The following PTPRN2 variants were observed in gnomAD, a reference collection of about 807,000 sequenced individuals.
The protein encoded by PTPRN2 is receptor-type tyrosine-protein phosphatase N2.
Under a neutral mutation model 118.8 loss-of-function variants are expected in PTPRN2, and 74 were observed. That is an observed-to-expected ratio of 0.62 (90% CI 0.52 to 0.76). PTPRN2 has a LOEUF of 0.76. Ranked by LOEUF, PTPRN2 falls within the 30% of genes least tolerant of loss-of-function variation. The pLI, the probability that PTPRN2 is intolerant of heterozygous loss-of-function variation, is 0.00. For synonymous variants in PTPRN2, 641 were observed against 608.0 expected, an observed-to-expected ratio of 1.05 and a Z score of -0.80; for missense variants, 1,481 against 1,394.4, an observed-to-expected ratio of 1.06 and a Z score of -0.99.
chr7:157,663,839 C>G (rs1044001520), intron 13 of PTPRN2, among the ~76,000 whole-genome samples: 1 of 152,222 alleles, frequency 6.6e-6, no homozygotes, highest in Non-Finnish European at 1.5e-5. Context: ...CATTCTCAGT[C>G]CTTTACCTTA....
chr7:158,318,097 G>T (rs1236826535), intron 2 of PTPRN2, among the ~76,000 whole-genome samples: 1 of 152,082 alleles, frequency 6.6e-6, no homozygotes, highest in Non-Finnish European at 1.5e-5. Context: ...CGAGATGCCT[G>T]CGAGGCCACA....
At chr7:157,822,082 C>CATCA (rs1170066987) in intron 12 of PTPRN2, among the ~76,000 whole-genome samples, 9 of 151,806 alleles carry the variant, frequency 5.9e-5, no homozygotes, top group Non-Finnish European at 1.3e-4. Context: ...ATATACTATC[C>CATCA]ATCAATCACC....
At chr7:158,390,596 C>T (rs909067622) in intron 2 of PTPRN2, among the ~76,000 whole-genome samples, 1 of 152,178 alleles carries the variant, frequency 6.6e-6, no homozygotes, top group Admixed American at 6.5e-5. Flanking sequence ...CACCGAGTGG[C>T]CGCAATGCTG....
At chr7:158,046,169 G>T (rs1356511057) in intron 11 of PTPRN2, among the ~76,000 whole-genome samples, 1 of 145,362 alleles carries the variant, frequency 6.9e-6, no homozygotes, top group Non-Finnish European at 1.5e-5. Flanking sequence ...GCCTTGTTCT[G>T]TCCAGGAGCA....
chr7:157,965,845 C>T (rs1801885957), intron 11 of PTPRN2, among the ~76,000 whole-genome samples: 1 of 152,334 alleles, frequency 6.6e-6, no homozygotes, highest in African/African-American at 2.4e-5. Context: ...TTACCAAAAA[C>T]TTAACCCAAA....
intron 11 of PTPRN2, among the ~76,000 whole-genome samples, chr7:158,061,034 T>C (rs1272150614): frequency 6.6e-6 from 1 of 152,194 alleles, no homozygotes; most frequent in Non-Finnish European, 1.5e-5. Context: ...ATGGAATAAA[T>C]CAGGTGGTTT....
intron 3 of PTPRN2, among the ~76,000 whole-genome samples, chr7:158,282,468 A>G (rs1308038206): frequency 6.6e-6 from 1 of 152,236 alleles, no homozygotes; most frequent in East Asian, 1.9e-4. Flanking sequence ...CCTGGCTCAG[A>G]TGTCCACAGC....
At chr7:157,749,936 G>A (rs1361828288) in intron 12 of PTPRN2, among the ~76,000 whole-genome samples, 1 of 147,906 alleles carries the variant, frequency 6.8e-6, no homozygotes, top group Non-Finnish European at 1.5e-5. Context: ...TGGGGTGTCC[G>A]GGTGATTCTG....
intron 3 of PTPRN2, among the ~76,000 whole-genome samples, chr7:158,263,273 G>T (rs751332427): frequency 6.6e-6 from 1 of 152,174 alleles, no homozygotes; most frequent in Non-Finnish European, 1.5e-5. Context: ...TGCACTGCAC[G>T]TGTTGCACTC....
chr7:158,197,315 G>A (rs537425128), intron 4 of PTPRN2, among the ~76,000 whole-genome samples: 46 of 152,294 alleles, frequency 3.0e-4, no homozygotes, highest in African/African-American at 1.1e-3. Flanking sequence ...TGGGTCTTTA[G>A]TGTGATTTAG....
At chr7:157,816,152 T>C (rs1806382385) in intron 12 of PTPRN2, among the ~76,000 whole-genome samples, 1 of 152,190 alleles carries the variant, frequency 6.6e-6, no homozygotes, top group African/African-American at 2.4e-5. Flanking sequence ...ATTCCATGAA[T>C]TGCAGCCCAG....
intron 3 of PTPRN2, among the ~76,000 whole-genome samples, chr7:158,239,115 A>G (rs6964342): frequency 0.12 from 18,595 of 152,156 alleles, 1,321 homozygotes; most frequent in African/African-American, 0.19. Context: ...GGTGGGGGCC[A>G]CCACCATGCC....
intron 6 of PTPRN2, among the ~76,000 whole-genome samples, chr7:158,152,454 G>C (rs938481727): frequency 6.6e-6 from 1 of 152,194 alleles, no homozygotes; most frequent in Non-Finnish European, 1.5e-5. Context: ...AGAACAGACA[G>C]GAGGCCAAAG....
At chr7:157,914,501 G>A (rs1284040089) in intron 11 of PTPRN2, among the ~76,000 whole-genome samples, 1 of 152,100 alleles carries the variant, frequency 6.6e-6, no homozygotes, top group Non-Finnish European at 1.5e-5. Context: ...AACACTCATG[G>A]ATCATGTGTA....
chr7:157,779,431 G>A lies in PTPRN2; in HGVS notation c.1789-96494C>T, dbSNP rs111597359. On this transcript the variant is annotated intron_variant, in intron 12 of 22. Transcript: ENST00000389418. This position sits in a 1 kb window ranked among gnomAD's most constrained non-coding sequence, Gnocchi z 4.7. ...GACCCTGCAGGCTGCCAGAATGACC[G>A]CCCACCCGCTGCCCCTCACCACACA... Among the ~76,000 whole-genome samples, 20,090 of 152,082 alleles carry A rather than the reference G, an allele frequency of 0.13. 1,404 individuals carry two copies. The highest frequency in any genetic ancestry group is 0.22 in the South Asian group (1,082 of 4,820).
intron 3 of PTPRN2, among the ~76,000 whole-genome samples, chr7:158,211,224 A>C (rs1485197417): frequency 6.6e-6 from 1 of 152,228 alleles, no homozygotes; most frequent in Non-Finnish European, 1.5e-5. Context: ...AACGACTAAA[A>C]GAAAACACTG....
At position 158,457,519 on chromosome 7, in the gene PTPRN2, G is replaced by A. The variant is rs562040946; in HGVS notation, c.163+32216C>T. Among the ~76,000 whole-genome samples, 1,093 of 148,388 alleles carry A rather than the reference G, an allele frequency of 7.4e-3. 19 individuals are homozygous for A. The highest frequency in any genetic ancestry group is 0.025 in the African/African-American group (1,005 of 39,762). On this transcript the variant is annotated intron_variant, in intron 2 of 22. Transcript: ENST00000389418. ...ACCACCAAACCTCCCTCTCCAGGGC[G>A]AGCCTGGCCTGGGGGGAGTCACAGT...
intron 1 of PTPRN2, among the ~76,000 whole-genome samples, chr7:158,503,450 G>A (rs1302007409): frequency 1.3e-5 from 2 of 152,214 alleles, no homozygotes; most frequent in Non-Finnish European, 2.9e-5. Flanking sequence ...GAGGTGGATG[G>A]AAGGATGGCA....
chr7:157,721,515 G>C (rs1429189672), intron 12 of PTPRN2, among the ~76,000 whole-genome samples: 1 of 152,178 alleles, frequency 6.6e-6, no homozygotes, highest in Non-Finnish European at 1.5e-5. Flanking sequence ...GTTGCCTCCT[G>C]ACTGTCAGCC....
Sources: allele counts gnomAD v4.1 joint callset (sites outside exome capture counted in the v4.1 genomes callset), GRCh38; gene constraint gnomAD v4.1.1; non-coding constraint Gnocchi (gnomAD v3.1); transcripts MANE v1.5; gene names NCBI Gene and HGNC (gene_info 2026-07-23, HGNC 2026-07-21).